Variants in WIPF3 observed in about 807,000 individuals in gnomAD.
WIPF3 encodes WAS/WASL-interacting protein family member 3.
A neutral mutation model predicts 38.9 loss-of-function variants in WIPF3; 33 were observed. The ratio of observed to expected loss-of-function variants is 0.85; its 90% CI spans 0.64 to 1.14. The LOEUF is 1.14. Among genes scored for constraint, WIPF3 ranks in the 50% most tolerant of loss-of-function variants. WIPF3 has a pLI of 0.00. For missense variants in WIPF3, 711 were observed against 652.5 expected (o/e 1.09, Z -0.98); for synonymous variants, 324 against 269.3 (o/e 1.20, Z -1.99).
chr7:29,859,984 G>A (rs1476458889), intron 2 of WIPF3, among the ~76,000 whole-genome samples: 1 of 152,146 alleles, frequency 6.6e-6, no homozygotes, highest in Non-Finnish European at 1.5e-5. Flanking sequence ...GTGTGGACAG[G>A]ACAGGGAATG....
At chr7:29,837,894 T>TTTTATTTA (rs201812382) in intron 2 of WIPF3, among the ~76,000 whole-genome samples, 1 of 152,136 alleles carries the variant, frequency 6.6e-6, no homozygotes, top group African/African-American at 2.4e-5. Context: ...AGTGAGATAT[T>TTTTATTTA]TTTATTTATT....
At position 29,915,987 on chromosome 7, in the gene WIPF3, T is replaced by C. The variant is rs959976417; in HGVS notation, c.*1471T>C. ...AGAAAGGCAGCCGGTCAGGAGGGTGTGGGCAAACATGACTGCATCTGCCTC... is the reference window on the plus strand; with the variant it reads ...AGAAAGGCAGCCGGTCAGGAGGGTGCGGGCAAACATGACTGCATCTGCCTC... On this transcript the variant is annotated 3_prime_UTR_variant, in exon 9 of 9. Transcript: ENST00000242140. 1.3e-5 allele frequency: 2 copies of C among 152,432 alleles called. No individual in the cohort carries two copies. Among genetic ancestry groups the C allele is most frequent in the East Asian group, 3.9e-4 (2 of 5,182 alleles). 9.4% of individuals were successfully genotyped at this position (152,432 alleles called of 1,614,324 possible). A position where few individuals can be genotyped will look rare whatever the true frequency, so the allele number is the denominator to read the frequency against.
At chr7:29,848,988 T>C (rs1473114376) in intron 2 of WIPF3, among the ~76,000 whole-genome samples, 1 of 152,184 alleles carries the variant, frequency 6.6e-6, no homozygotes, top group African/African-American at 2.4e-5. Context: ...GAAGGAGTTA[T>C]GTAGCATGCT....
intron 1 of WIPF3, among the ~76,000 whole-genome samples, chr7:29,809,934 G>T (rs142597384): frequency 5.9e-4 from 90 of 152,254 alleles, no homozygotes; most frequent in Non-Finnish European, 1.1e-3. Context: ...GTGGCATCCA[G>T]GAGAGAGTGC....
intron 1 of WIPF3, among the ~76,000 whole-genome samples, chr7:29,825,498 T>C (rs1784602263): frequency 6.6e-6 from 1 of 152,198 alleles, no homozygotes; most frequent in African/African-American, 2.4e-5. Context: ...TTTTAATAAA[T>C]CCAGTTCTTA....
At chr7:29,807,981 C>T (rs1288412884) in intron 1 of WIPF3, among the ~76,000 whole-genome samples, 2 of 152,026 alleles carry the variant, frequency 1.3e-5, no homozygotes, top group Admixed American at 6.6e-5. Context: ...TTTATCATTA[C>T]GAAAGAGGTC....
At chr7:29,914,182 G>C (rs1405448216) in intron 8 of WIPF3, among the ~76,000 whole-genome samples, 1 of 152,192 alleles carries the variant, frequency 6.6e-6, no homozygotes, top group Admixed American at 6.5e-5. Context: ...TTAACTTGGG[G>C]TCTCCAGCAC....
At position 29,843,458 on chromosome 7, in the gene WIPF3, G is replaced by A. The variant is rs955665390; in HGVS notation, c.90+8644G>A. Among the ~76,000 whole-genome samples the A allele has an allele frequency of 1.2e-4, 18 of 152,272 alleles. 1 individual carries two copies. The highest frequency in any genetic ancestry group is 1.9e-4 in the East Asian group (1 of 5,164). On this transcript the variant is annotated intron_variant, in intron 2 of 8. Transcript: ENST00000242140. Reference sequence around the variant, plus strand: ...TAGGAGCCCGGAGCATAAGCCGCTCGCAGGCGGTGTCTGAGCTGAGGGTTA... The same window carrying A: ...TAGGAGCCCGGAGCATAAGCCGCTCACAGGCGGTGTCTGAGCTGAGGGTTA...
chr7:29,844,209 G>A lies in WIPF3; in HGVS notation c.90+9395G>A, dbSNP rs1015868357. The stretch of plus-strand genomic sequence containing the variant: ...GGTATCTGGGGTGGAAAAGGGTTGG[G>A]TGATTTTTATTTTCTTTTTTTTGTG... On this transcript the variant is annotated intron_variant, in intron 2 of 8. Coordinates refer to ENST00000242140, the MANE Select transcript of WIPF3 (RefSeq NM_001080529.3). The surrounding 1 kb of genome is among the most constrained non-coding windows in gnomAD (Gnocchi z 4.8). Among the ~76,000 whole-genome samples, 4 of 152,168 alleles carry A rather than the reference G, an allele frequency of 2.6e-5. No individual in the cohort carries two copies. The highest frequency in any genetic ancestry group is 9.7e-5 in the African/African-American group (4 of 41,446).
chr7:29,911,343 C>A (rs929551814), intron 8 of WIPF3, among the ~76,000 whole-genome samples: 1 of 152,126 alleles, frequency 6.6e-6, no homozygotes, highest in Non-Finnish European at 1.5e-5. Flanking sequence ...CCAAAGCAAT[C>A]TACAGATTCA....
chr7:29,873,720 T>C (rs942031424), intron 2 of WIPF3, among the ~76,000 whole-genome samples: 2 of 152,192 alleles, frequency 1.3e-5, no homozygotes, highest in Non-Finnish European at 2.9e-5. Flanking sequence ...CATTCATAAG[T>C]CCCTCTCAGG....
At position 29,817,141 on chromosome 7, in the gene WIPF3, A is replaced by G. The variant is rs561952046; in HGVS notation, c.-58+10463A>G. Among the ~76,000 whole-genome samples the G allele has an allele frequency of 1.4e-4, 21 of 152,220 alleles. No individual in the cohort carries two copies. In the South Asian group the frequency reaches 4.4e-3, roughly 32 times the overall value. ...CTTTGAATGTGTTTAATTGCCATAT[A>G]TGTTTCCTTATGTGTGAACTGTTTA... On this transcript the variant is annotated intron_variant, in intron 1 of 8. Coordinates refer to ENST00000242140, the MANE Select transcript of WIPF3 (RefSeq NM_001080529.3).
intron 7 of WIPF3, among the ~76,000 whole-genome samples, chr7:29,898,304 T>C (rs1248149936): frequency 7.2e-5 from 11 of 152,140 alleles, no homozygotes; most frequent in Admixed American, 7.2e-4. Context: ...TACTCCTGCA[T>C]CCAACTTACC....
chr7:29,815,152 T>G (rs1317349059), intron 1 of WIPF3, among the ~76,000 whole-genome samples: 1 of 151,980 alleles, frequency 6.6e-6, no homozygotes, highest in Non-Finnish European at 1.5e-5. Context: ...GCGTCAGAAA[T>G]AGGTAAGACA....
intron 2 of WIPF3, among the ~76,000 whole-genome samples, chr7:29,866,392 C>G (rs1170527895): frequency 6.6e-6 from 1 of 152,208 alleles, no homozygotes; most frequent in African/African-American, 2.4e-5. Flanking sequence ...GGGAGACAAG[C>G]AAGGAGAGAA....
chr7:29,901,692 G>T (rs1278564893), intron 7 of WIPF3, among the ~76,000 whole-genome samples: 1 of 151,696 alleles, frequency 6.6e-6, no homozygotes, highest in African/African-American at 2.4e-5. Context: ...TAAAAAAGTA[G>T]CCAGGTGTGG....
rs1299824238 is a variant in WIPF3, at chr7:29,844,837, G to A, written c.90+10023G>A. Among the ~76,000 whole-genome samples the A allele has an allele frequency of 2.6e-5, 4 of 152,140 alleles. No individual in the cohort carries two copies. The highest frequency in any genetic ancestry group is 9.7e-5 in the African/African-American group (4 of 41,432). ...CACTTACTGGGCAGGGCTATTATTG[G>A]GACTCTGGCCGAACGGCTCCCGGCT... On this transcript the variant is annotated intron_variant, in intron 2 of 8. Coordinates refer to ENST00000242140, the MANE Select transcript of WIPF3 (RefSeq NM_001080529.3). This position sits in a 1 kb window ranked among gnomAD's most constrained non-coding sequence, Gnocchi z 4.8.
chr7:29,840,202 C>T (rs894367761), intron 2 of WIPF3, among the ~76,000 whole-genome samples: 4 of 152,194 alleles, frequency 2.6e-5, no homozygotes, highest in Admixed American at 6.5e-5. Flanking sequence ...CTTCTCCTCT[C>T]GAGAACTTCC....
intron 2 of WIPF3, among the ~76,000 whole-genome samples, chr7:29,866,882 T>C (rs1000298422): frequency 2.6e-5 from 4 of 152,244 alleles, no homozygotes; most frequent in African/African-American, 9.6e-5. Context: ...TTGTATTTCC[T>C]GGGTATAAGA....
Sources: allele counts gnomAD v4.1 joint callset (sites outside exome capture counted in the v4.1 genomes callset), GRCh38; gene constraint gnomAD v4.1.1; non-coding constraint Gnocchi (gnomAD v3.1); transcripts MANE v1.5; gene names NCBI Gene and HGNC (gene_info 2026-07-23, HGNC 2026-07-21).